Variants in TFDP1 observed in about 807,000 individuals in gnomAD.
TFDP1 encodes the protein transcription factor Dp-1.
In TFDP1, 6 loss-of-function variants were observed where a neutral mutation model predicts 48.0. The ratio of observed to expected loss-of-function variants is 0.13; its 90% CI spans 0.07 to 0.25. The LOEUF (loss-of-function observed/expected upper bound fraction) is 0.25, where lower values mean the gene tolerates loss of function less well. Ranked by LOEUF, TFDP1 falls within the 10% of genes least tolerant of loss-of-function variation. The pLI, the probability that TFDP1 is intolerant of heterozygous loss-of-function variation, is 1.00. For missense variants in TFDP1, 335 were observed against 543.0 expected (o/e 0.62, Z 3.81); for synonymous variants, 201 against 211.6 (o/e 0.95, Z 0.44).
chr13:113,617,560 C>T (rs1464747716), intron 3 of TFDP1, among the ~76,000 whole-genome samples: 4 of 134,696 alleles, frequency 3.0e-5, no homozygotes, highest in Non-Finnish European at 5.9e-5. Context: ...ACCTGCAGAA[C>T]CCTTCACCTG....
At chr13:113,591,905 T>C (rs1442287286) in intron 2 of TFDP1, among the ~76,000 whole-genome samples, 2 of 152,172 alleles carry the variant, frequency 1.3e-5, no homozygotes, top group Non-Finnish European at 2.9e-5. Context: ...GTACTGGCCA[T>C]GCACTGCTCT....
At chr13:113,602,559 G>A (rs1487015646) in intron 2 of TFDP1, among the ~76,000 whole-genome samples, 1 of 152,142 alleles carries the variant, frequency 6.6e-6, no homozygotes, top group Non-Finnish European at 1.5e-5. Context: ...TCTGGCGCAG[G>A]CCACTCCAGT....
chr13:113,638,731 G>A (rs536063886), intron 11 of TFDP1, among the ~76,000 whole-genome samples: 2 of 152,142 alleles, frequency 1.3e-5, no homozygotes, highest in East Asian at 3.9e-4. Flanking sequence ...GTGTCCCTAG[G>A]TATTGATCTT....
At chr13:113,601,976 CAG>C (rs1173854681) in intron 2 of TFDP1, among the ~76,000 whole-genome samples, 1 of 135,112 alleles carries the variant, frequency 7.4e-6, no homozygotes, top group East Asian at 2.2e-4. Flanking sequence ...CTGTAGCGGA[CAG>C]AGGAGGGACG....
chr13:113,632,822 C>T (rs984458109), intron 5 of TFDP1, among the ~76,000 whole-genome samples: 13 of 152,172 alleles, frequency 8.5e-5, no homozygotes, highest in African/African-American at 2.4e-4. Context: ...CTTGGTGTAC[C>T]GGCACATCTC....
intron 2 of TFDP1, among the ~76,000 whole-genome samples, chr13:113,594,562 C>T (rs548537627): frequency 6.6e-6 from 1 of 152,080 alleles, no homozygotes; most frequent in Non-Finnish European, 1.5e-5. Flanking sequence ...CTGCCCTGCC[C>T]AGGTGATAGG....
At chr13:113,585,213 G>A (rs2047969008) in intron 1 of TFDP1, 1 of 148,856 alleles carries the variant, frequency 6.7e-6, no homozygotes, top group Non-Finnish European at 1.5e-5. Flanking sequence ...GGCGGGGGAG[G>A]GGAGGCCGCC....
intron 1 of TFDP1, 177 bp from the exon 2 acceptor site, chr13:113,585,597 C>T (rs1422578869): frequency 9.4e-6 from 4 of 425,210 alleles, no homozygotes; most frequent in South Asian, 7.9e-5. Context: ...TTCCGTCTGG[C>T]GAGGCGACTG....
intron 2 of TFDP1, among the ~76,000 whole-genome samples, chr13:113,604,651 T>TGGTG (rs200952547): frequency 1.3e-3 from 1 of 786 alleles, no homozygotes; most frequent in Admixed American, 0.017. Context: ...AGACCTCGGC[T>TGGTG]GTCCTGTTAA....
In TFDP1 at chr13:113,590,326, G is replaced by A. The variant is rs187923766; in HGVS notation, c.12+4477G>A. Among the ~76,000 whole-genome samples the A allele has an allele frequency of 2.8e-4, 42 of 152,336 alleles. No homozygotes were observed. The East Asian group carries it at 7.9e-3, about 29-fold the overall frequency. On this transcript the variant is annotated intron_variant, in intron 2 of 11. Coordinates refer to ENST00000375370, the MANE Select transcript of TFDP1 (RefSeq NM_007111.5). ...CGTCCCACCATGGAGGCGTTTGAGTGATGCTGTCACGAGGCTCTGCTAATG... is the reference window on the plus strand; with the variant it reads ...CGTCCCACCATGGAGGCGTTTGAGTAATGCTGTCACGAGGCTCTGCTAATG...
chr13:113,628,311 A>T (rs1434171670), intron 4 of TFDP1, among the ~76,000 whole-genome samples: 1 of 147,534 alleles, frequency 6.8e-6, no homozygotes, highest in African/African-American at 2.7e-5. Flanking sequence ...GTCTGGAGCC[A>T]TGTAGACTGT....
At chr13:113,596,923 C>T (rs563128959) in intron 2 of TFDP1, among the ~76,000 whole-genome samples, 8 of 152,320 alleles carry the variant, frequency 5.3e-5, no homozygotes, top group South Asian at 4.1e-4. Flanking sequence ...AAAGGCTGCG[C>T]GTCCCCTCGC....
intron 2 of TFDP1, among the ~76,000 whole-genome samples, chr13:113,593,904 G>C (rs1306093451): frequency 2.8e-5 from 4 of 145,290 alleles, no homozygotes; most frequent in African/African-American, 1.0e-4. Flanking sequence ...GACAGGTGTG[G>C]TGTGTGCGGG....
chr13:113,597,466 A>G (rs896020227), intron 2 of TFDP1, among the ~76,000 whole-genome samples: 4 of 152,094 alleles, frequency 2.6e-5, no homozygotes, highest in African/African-American at 9.7e-5. Context: ...TGTGTTGTGG[A>G]GGAAGCTGTG....
chr13:113,613,924 TGA>T (rs762899143), intron 3 of TFDP1, among the ~76,000 whole-genome samples: 2 of 150,646 alleles, frequency 1.3e-5, no homozygotes, highest in Non-Finnish European at 3.0e-5. Context: ...TGCATGCGTG[TGA>T]GTTGTGTGCG....
intron 4 of TFDP1, among the ~76,000 whole-genome samples, chr13:113,625,699 T>A (rs1171774731): frequency 8.1e-6 from 1 of 123,886 alleles, no homozygotes; most frequent in Non-Finnish European, 1.6e-5. Context: ...CTCAGGTGTC[T>A]CTCAGGCGTC....
chr13:113,640,522 A>AT lies in TFDP1; in HGVS notation c.*260dup, dbSNP rs2049617244. ...TTAGGATTTTGTGTTTTCATTTGCT[A>AT]TTTTTCTTTAAGTGCAGAGTTCATT... On this transcript the variant is annotated 3_prime_UTR_variant, in exon 12 of 12. Coordinates refer to ENST00000375370, the MANE Select transcript of TFDP1 (RefSeq NM_007111.5). 2.2e-6 allele frequency: 1 copy of AT among 448,952 alleles called. No individual in the cohort carries two copies. Among genetic ancestry groups the AT allele is most frequent in the African/African-American group, 2.1e-5 (1 of 46,930 alleles). 27.8% of individuals were successfully genotyped at this position (448,952 alleles called of 1,614,324 possible).
At chr13:113,602,667 G>A (rs954398902) in intron 2 of TFDP1, among the ~76,000 whole-genome samples, 5 of 152,152 alleles carry the variant, frequency 3.3e-5, no homozygotes, top group African/African-American at 9.7e-5. Context: ...TGGCTGTTGC[G>A]TAGGCAGAGT....
chr13:113,600,695 G>C (rs2048400355), intron 2 of TFDP1, among the ~76,000 whole-genome samples: 1 of 146,606 alleles, frequency 6.8e-6, no homozygotes, highest in Non-Finnish European at 1.5e-5. Context: ...AGGATGGTGA[G>C]AGAGAATCCT....
Sources: gnomAD v4.1 joint callset for allele counts (sites outside exome capture counted in the v4.1 genomes callset) on GRCh38, gnomAD v4.1.1 for gene constraint, MANE v1.5 for transcripts, NCBI Gene and HGNC (gene_info 2026-07-23, HGNC 2026-07-21) for gene names.